The following ROBO2 variants were observed in gnomAD, a reference collection of about 807,000 sequenced individuals.
The protein encoded by ROBO2 is roundabout guidance receptor 2.
ROBO2 carries 53 observed loss-of-function variants against 160.8 expected under a neutral mutation model. The observed-to-expected ratio is 0.33, with a 90% CI of 0.26 to 0.41. The LOEUF is 0.41. ROBO2 is among the 10% of genes least tolerant of loss of function. The probability of loss-of-function intolerance (pLI) is 1.00; values close to 1 mark genes in which losing one functional copy is unlikely to be tolerated. For synonymous variants in ROBO2, 664 were observed against 611.7 expected (o/e 1.09, Z -1.26); for missense variants, 1,577 against 1,722.4 (o/e 0.92, Z 1.49).
chr3:77,280,226 G>A (rs765016583), intron 2 of ROBO2, among the ~76,000 whole-genome samples: 30 of 152,064 alleles, frequency 2.0e-4, no homozygotes, highest in South Asian at 8.3e-4. Flanking sequence ...TAGACAAACC[G>A]CTTTTCTGCC....
At chr3:75,966,338 C>T (rs1413969941) in intron 2 of ROBO2, among the ~76,000 whole-genome samples, 1 of 151,572 alleles carries the variant, frequency 6.6e-6, no homozygotes, top group Non-Finnish European at 1.5e-5. Context: ...CATGGTTTCC[C>T]TATACAATAG....
At chr3:77,043,484 A>G (rs1262812258) in intron 1 of ROBO2, among the ~76,000 whole-genome samples, 1 of 152,164 alleles carries the variant, frequency 6.6e-6, no homozygotes, top group African/African-American at 2.4e-5. Context: ...ATAATTTTTC[A>G]GTATTGTGTC....
chr3:77,639,372 G>A (rs1432779884), intron 24 of ROBO2, among the ~76,000 whole-genome samples: 5 of 152,138 alleles, frequency 3.3e-5, no homozygotes, highest in Non-Finnish European at 7.4e-5. Context: ...GAACATATAA[G>A]TAAGATGGTG....
chr3:76,313,746 AT>A (rs942140403), intron 2 of ROBO2, among the ~76,000 whole-genome samples: 18 of 150,242 alleles, frequency 1.2e-4, no homozygotes, highest in South Asian at 4.2e-4. Flanking sequence ...CTTCCGAGTT[AT>A]TTTTTTTTTC....
Position 77,530,584 on chromosome 3 carries a change from C to G in ROBO2, c.934+7682C>G, listed in dbSNP as rs1004067972. Among the ~76,000 whole-genome samples, 8 of 152,048 alleles carry G rather than the reference C, an allele frequency of 5.3e-5. No individual in the cohort carries two copies. In the East Asian group the frequency reaches 1.6e-3, roughly 30 times the overall value. ...CTGAAAGCGGACGTTCATATACTTG[C>G]CAACAGAGGAAAGTGTTTTACAGAT... On this transcript the variant is annotated intron_variant, in intron 6 of 25. Transcript: ENST00000461745.
chr3:76,872,604 T>G (rs543033666), intron 2 of ROBO2, among the ~76,000 whole-genome samples: 1 of 152,126 alleles, frequency 6.6e-6, no homozygotes, highest in African/African-American at 2.4e-5. Context: ...GCTATGAAAC[T>G]TAAAATCAAT....
At chr3:77,478,581 C>T (rs982130210) in intron 3 of ROBO2, among the ~76,000 whole-genome samples, 3 of 152,150 alleles carry the variant, frequency 2.0e-5, no homozygotes, top group Non-Finnish European at 2.9e-5. Context: ...AACCAACCCA[C>T]AGAAATAGTA....
chr3:76,527,000 A>G (rs1320592181), intron 2 of ROBO2, among the ~76,000 whole-genome samples: 1 of 152,046 alleles, frequency 6.6e-6, no homozygotes, highest in African/African-American at 2.4e-5. Context: ...GCTGGGAGAA[A>G]AATGCCTGGA....
At chr3:76,576,714 T>TTG (rs1359730414) in intron 2 of ROBO2, among the ~76,000 whole-genome samples, 28 of 142,658 alleles carry the variant, frequency 2.0e-4, no homozygotes, top group Admixed American at 7.8e-4. Flanking sequence ...TTTTTTTTTT[T>TTG]TTTTTTTTGA....
chr3:77,114,278 G>GA (rs2073980327), intron 2 of ROBO2, among the ~76,000 whole-genome samples: 1 of 151,916 alleles, frequency 6.6e-6, no homozygotes, highest in Admixed American at 6.6e-5. Flanking sequence ...TAGTTCATTG[G>GA]AAAAAAGATA....
At chr3:77,110,304 T>C (rs764131614) in intron 2 of ROBO2, among the ~76,000 whole-genome samples, 2 of 152,192 alleles carry the variant, frequency 1.3e-5, no homozygotes, top group African/African-American at 2.4e-5. Context: ...CTTACTACTT[T>C]AGGATACTTT....
intron 2 of ROBO2, among the ~76,000 whole-genome samples, chr3:77,128,139 A>G (rs2075515223): frequency 1.3e-5 from 2 of 152,230 alleles, no homozygotes; most frequent in Non-Finnish European, 2.9e-5. Context: ...GCAGGTGATT[A>G]TGGGAGGACT....
At chr3:75,933,925 C>G (rs1187880089) in intron 1 of ROBO2, among the ~76,000 whole-genome samples, 1 of 152,110 alleles carries the variant, frequency 6.6e-6, no homozygotes, top group East Asian at 1.9e-4. Flanking sequence ...TAATGCATCT[C>G]TTAAACTGTG....
At chr3:76,191,414 CAG>C (rs1701997635) in intron 2 of ROBO2, among the ~76,000 whole-genome samples, 2 of 152,242 alleles carry the variant, frequency 1.3e-5, no homozygotes, top group Admixed American at 1.3e-4. Flanking sequence ...GAAGGATACT[CAG>C]AGGTTATCTT....
chr3:77,227,266 G>C (rs1195703289), intron 2 of ROBO2, among the ~76,000 whole-genome samples: 4 of 152,070 alleles, frequency 2.6e-5, no homozygotes, highest in African/African-American at 9.7e-5. Context: ...ATAAACCGCA[G>C]TTAAAACATA....
chr3:77,492,146 A>T (rs540605763), intron 4 of ROBO2, among the ~76,000 whole-genome samples: 1 of 152,306 alleles, frequency 6.6e-6, no homozygotes, highest in South Asian at 2.1e-4. Context: ...GGCCAGAAAA[A>T]TTGTGTCAGC....
At chr3:76,622,052 T>C (rs967246411) in intron 2 of ROBO2, among the ~76,000 whole-genome samples, 1 of 145,894 alleles carries the variant, frequency 6.9e-6, no homozygotes, top group Non-Finnish European at 1.5e-5. Flanking sequence ...GTATCCTTCT[T>C]TGTGAATAAG....
chr3:76,286,840 A>G (rs531800603), intron 2 of ROBO2, among the ~76,000 whole-genome samples: 6 of 152,284 alleles, frequency 3.9e-5, no homozygotes, highest in Admixed American at 1.3e-4. Context: ...TCTCCGACCT[A>G]TTGGATACTT....
chr3:76,397,275 A>G (rs531258368), intron 2 of ROBO2, among the ~76,000 whole-genome samples: 38 of 152,316 alleles, frequency 2.5e-4, no homozygotes, highest in Admixed American at 1.5e-3. Flanking sequence ...AGCCATATGT[A>G]GAAAGCTGAA....
Sources: gnomAD v4.1 joint callset for allele counts (sites outside exome capture counted in the v4.1 genomes callset) on GRCh38, gnomAD v4.1.1 for gene constraint, MANE v1.5 for transcripts, NCBI Gene and HGNC (gene_info 2026-07-23, HGNC 2026-07-21) for gene names.